Variants in ADAMTS17 observed in about 807,000 individuals in gnomAD.
ADAMTS17 encodes the protein ADAM metallopeptidase with thrombospondin type 1 motif 17.
Under a neutral mutation model 141.5 loss-of-function variants are expected in ADAMTS17, and 113 were observed. The observed-to-expected ratio is 0.80, with a 90% CI of 0.69 to 0.93. The LOEUF (loss-of-function observed/expected upper bound fraction) is 0.93. Ranked by LOEUF, ADAMTS17 falls within the 40% of genes least tolerant of loss-of-function variation. The probability of loss-of-function intolerance (pLI) is 0.00; values close to 1 mark genes in which losing one functional copy is unlikely to be tolerated. For missense variants in ADAMTS17, 1,659 were observed against 1,517.9 expected (o/e 1.09, Z -1.54); for synonymous variants, 768 against 630.6 (o/e 1.22, Z -3.27).
At chr15:100,014,702 T>A (rs931472475) in intron 18 of ADAMTS17, among the ~76,000 whole-genome samples, 4 of 152,252 alleles carry the variant, frequency 2.6e-5, no homozygotes, top group Non-Finnish European at 4.4e-5. Context: ...TTTCCAGTTT[T>A]ATTCTACTGT....
intron 18 of ADAMTS17, among the ~76,000 whole-genome samples, chr15:100,028,582 C>T (rs963852717): frequency 6.6e-6 from 1 of 152,192 alleles, no homozygotes; most frequent in Non-Finnish European, 1.5e-5. Context: ...CTGTCCTGAG[C>T]CATTTATTTC....
At chr15:100,133,654 A>T (rs1205626979) in intron 10 of ADAMTS17, among the ~76,000 whole-genome samples, 1 of 152,154 alleles carries the variant, frequency 6.6e-6, no homozygotes, top group Non-Finnish European at 1.5e-5. Context: ...GCAAACAGAC[A>T]TCTTCCATTT....
chr15:100,160,349 G>A (rs923895574), intron 8 of ADAMTS17, among the ~76,000 whole-genome samples: 13 of 152,182 alleles, frequency 8.5e-5, no homozygotes, highest in Admixed American at 2.0e-4. Context: ...ATTCTCCCTG[G>A]CTGGGATCTC....
At chr15:100,111,821 G>C (rs1358320610) in intron 13 of ADAMTS17, among the ~76,000 whole-genome samples, 3 of 152,234 alleles carry the variant, frequency 2.0e-5, no homozygotes, top group African/African-American at 4.8e-5. Flanking sequence ...TGCTGTCACT[G>C]TTCCATTATA....
At chr15:100,211,144 A>G (rs2041794865) in intron 7 of ADAMTS17, among the ~76,000 whole-genome samples, 1 of 150,816 alleles carries the variant, frequency 6.6e-6, no homozygotes, top group African/African-American at 2.4e-5. Flanking sequence ...ATAAATAAAA[A>G]TACAAAAATT....
chr15:100,327,466 A>T (rs61573296), intron 3 of ADAMTS17, among the ~76,000 whole-genome samples: 13,395 of 152,252 alleles, frequency 0.088, 665 homozygotes, highest in Non-Finnish European at 0.1. Flanking sequence ...ATGTTGCAGG[A>T]TTCCTATACT....
chr15:100,129,674 T>G (rs1596508363), intron 12 of ADAMTS17: 1 of 149,560 alleles, frequency 6.7e-6, no homozygotes, highest in African/African-American at 2.5e-5. Flanking sequence ...ACCTGGGAGG[T>G]GGAGGCTGTG....
At chr15:100,228,161 A>C (rs1243249465) in intron 7 of ADAMTS17, among the ~76,000 whole-genome samples, 1 of 152,112 alleles carries the variant, frequency 6.6e-6, no homozygotes, top group Admixed American at 6.6e-5. Context: ...CCTCACCTAC[A>C]CGCTCTTTCC....
At chr15:100,311,495 C>T (rs143138558) in intron 3 of ADAMTS17, among the ~76,000 whole-genome samples, 85 of 152,242 alleles carry the variant, frequency 5.6e-4, no homozygotes, top group African/African-American at 1.9e-3. Flanking sequence ...GTCTGCAGCT[C>T]GAGGCAGATT....
At chr15:100,238,360 C>T (rs2042723450) in intron 7 of ADAMTS17, among the ~76,000 whole-genome samples, 1 of 152,208 alleles carries the variant, frequency 6.6e-6, no homozygotes, top group South Asian at 2.1e-4. Flanking sequence ...AGTTGCATCC[C>T]CTCCAGTAAA....
At chr15:99,974,730 C>G (rs1404450512) in intron 21 of ADAMTS17, among the ~76,000 whole-genome samples, 168 bp from the exon 22 acceptor site, 1 of 152,244 alleles carries the variant, frequency 6.6e-6, no homozygotes, top group Non-Finnish European at 1.5e-5. Context: ...ACTGGGGGTG[C>G]CACTTTCTGT....
At chr15:100,014,724 G>C (rs1043112997) in intron 18 of ADAMTS17, among the ~76,000 whole-genome samples, 2 of 152,130 alleles carry the variant, frequency 1.3e-5, no homozygotes, top group African/African-American at 4.8e-5. Context: ...GTCTGAGAGA[G>C]TGCCTGATAT....
intron 13 of ADAMTS17, among the ~76,000 whole-genome samples, chr15:100,115,339 TC>T (rs1305695200): frequency 6.6e-6 from 1 of 152,158 alleles, no homozygotes; most frequent in African/African-American, 2.4e-5. Context: ...GTCTCCCCTC[TC>T]CCTCAACTGC....
At chr15:100,158,071 TAG>T (rs2039518550) in intron 8 of ADAMTS17, among the ~76,000 whole-genome samples, 1 of 152,120 alleles carries the variant, frequency 6.6e-6, no homozygotes, top group Non-Finnish European at 1.5e-5. Flanking sequence ...GTATTTTTAG[TAG>T]AGACAGGGTT....
chr15:100,183,266 C>T (rs867504778), intron 8 of ADAMTS17, among the ~76,000 whole-genome samples: 1 of 152,206 alleles, frequency 6.6e-6, no homozygotes, highest in East Asian at 1.9e-4. Context: ...GCTGGGATTA[C>T]AGGTGTGAAC....
At position 100,146,815 on chromosome 15, in the gene ADAMTS17, T is replaced by C. The variant is rs200807581; in HGVS notation, c.1473+5797A>G. Among the ~76,000 whole-genome samples the C allele has an allele frequency of 1.1e-4, 6 of 55,924 alleles. No individual in the cohort carries two copies. In the East Asian group the frequency reaches 5.5e-3, roughly 51 times the overall value. 36.7% of individuals were successfully genotyped at this position (55,924 alleles called of 152,430 possible). ...CCCCCCTGGGTGTGGTTGTCTCTTA[T>C]GGTCGAGACTGCAGAGGTGAAATAG... On this transcript the variant is annotated intron_variant, in intron 10 of 21. Coordinates refer to ENST00000268070, the MANE Select transcript of ADAMTS17 (RefSeq NM_139057.4).
chr15:100,082,518 G>A (rs1483393250), intron 15 of ADAMTS17, among the ~76,000 whole-genome samples: 1 of 151,734 alleles, frequency 6.6e-6, no homozygotes. Flanking sequence ...CCTGAGTAGT[G>A]GGGACTTCAG....
At chr15:100,200,829 T>C (rs1211068300) in intron 7 of ADAMTS17, among the ~76,000 whole-genome samples, 1 of 151,550 alleles carries the variant, frequency 6.6e-6, no homozygotes, top group Non-Finnish European at 1.5e-5. Context: ...CTGCACCTGC[T>C]CTCCCCCATG....
rs1204171050 is a variant in ADAMTS17, at chr15:100,109,310, G to C, written c.1889-194C>G. Among the ~76,000 whole-genome samples the C allele has an allele frequency of 2.0e-5, 3 of 146,510 alleles. No individual in the cohort carries two copies. In the East Asian group the frequency reaches 6.0e-4, roughly 30 times the overall value. On this transcript the variant is annotated intron_variant, in intron 13 of 21. Transcript: ENST00000268070. Reference sequence around the variant, plus strand: ...CCACAGGGGAAGACAGTGCAGGACTGAGCTCTGTGGGGATGCCTTCTCTCA... The same window carrying C: ...CCACAGGGGAAGACAGTGCAGGACTCAGCTCTGTGGGGATGCCTTCTCTCA...
Sources: gnomAD v4.1 joint callset for allele counts (sites outside exome capture counted in the v4.1 genomes callset) on GRCh38, gnomAD v4.1.1 for gene constraint, MANE v1.5 for transcripts, NCBI Gene and HGNC (gene_info 2026-07-23, HGNC 2026-07-21) for gene names.